Variants in FXYD2 observed in about 807,000 individuals in gnomAD.
FXYD2 encodes the protein sodium/potassium-transporting ATPase subunit gamma.
FXYD2 carries 8 observed loss-of-function variants against 11.8 expected under a neutral mutation model. That is an observed-to-expected ratio of 0.68 (90% CI 0.40 to 1.22). The LOEUF is 1.22. Among genes scored for constraint, FXYD2 ranks in the 50% most tolerant of loss-of-function variants. The pLI is 0.01. For synonymous variants in FXYD2, 42 were observed against 33.3 expected (o/e 1.26, Z -0.90); for missense variants, 92 against 91.8 (o/e 1.00, Z -0.01).
Position 117,820,309 on chromosome 11 carries a change from G to A in FXYD2, c.*70C>T, listed in dbSNP as rs755001643. The A allele has an allele frequency of 8.6e-5, 29 of 336,038 alleles. No individual in the cohort carries two copies. Among genetic ancestry groups the A allele is most frequent in the Middle Eastern group, 7.8e-4 (1 of 1,278 alleles). The allele number at this position is 336,038 out of a possible 1,614,324, so 20.8% of individuals were successfully genotyped here. ...TAAAGCCCAGGGAAGAAGGGGAGGC[G>A]CCAGAGGCAGGGCCATGCTTGGCTT... On this transcript the variant is annotated 3_prime_UTR_variant, in exon 6 of 6. Transcript: ENST00000292079.
chr11:117,821,409 T>A (rs1419633174), intron 3 of FXYD2: 4 of 983,812 alleles, frequency 4.1e-6, no homozygotes, highest in Non-Finnish European at 4.8e-6. Context: ...AGAACCTAAG[T>A]CAGTCAGTCA....
At chr11:117,821,869 ATTT>A (rs1208622078) in intron 3 of FXYD2, 34 of 998,242 alleles carry the variant, frequency 3.4e-5, no homozygotes, top group Non-Finnish European at 4.1e-5. Flanking sequence ...TTTTCTGTGT[ATTT>A]TTCTTTGGGT....
chr11:117,822,526 A>T lies in FXYD2; in HGVS notation c.65-46T>A. 6.4e-7 allele frequency: 1 copy of T among 1,555,926 alleles called. No individual in the cohort carries two copies. Among genetic ancestry groups the T allele is most frequent in the Non-Finnish European group, 8.7e-7 (1 of 1,149,050 alleles). On this transcript the variant is annotated intron_variant, in intron 2 of 5. Coordinates refer to ENST00000292079, the MANE Select transcript of FXYD2 (RefSeq NM_001680.5). The surrounding 1 kb of genome is among the most constrained non-coding windows in gnomAD (Gnocchi z 4.7). ...AGGAGCGGGATGGGTGGTCTCTCCCAGCAGCTGTCTCTCTCCGCAGCCTGC... is the reference window on the plus strand; with the variant it reads ...AGGAGCGGGATGGGTGGTCTCTCCCTGCAGCTGTCTCTCTCCGCAGCCTGC...
rs977507475 is a variant in FXYD2, at chr11:117,821,038, T to G, written c.140-143A>C. 18 of 933,692 alleles carry G rather than the reference T, an allele frequency of 1.9e-5. No homozygotes were observed. The East Asian group carries it at 4.6e-4, about 24-fold the overall frequency. 57.8% of individuals were successfully genotyped at this position (933,692 alleles called of 1,614,324 possible). A position where few individuals can be genotyped will look rare whatever the true frequency, so the allele number is the denominator to read the frequency against. Reference sequence around the variant, plus strand: ...GGCTTGGAGGCCACGTTTGACTGTCTCTATTTTATTTTATATTTTATTTTA... The same window carrying G: ...GGCTTGGAGGCCACGTTTGACTGTCGCTATTTTATTTTATATTTTATTTTA... On this transcript the variant is annotated intron_variant, in intron 3 of 5. Coordinates refer to ENST00000292079, the MANE Select transcript of FXYD2 (RefSeq NM_001680.5).
Position 117,822,111 on chromosome 11 carries a change from G to T in FXYD2, c.139+295C>A. 2.2e-6 allele frequency: 3 copies of T among 1,356,498 alleles called. No individual in the cohort carries two copies. Among genetic ancestry groups the T allele is most frequent in the Non-Finnish European group, 1.9e-6 (2 of 1,048,544 alleles). 84.0% of individuals were successfully genotyped at this position (1,356,498 alleles called of 1,614,324 possible). ...GTTTGGGACCATGGTTAGCAGCGGG[G>T]GGCCTAGTCCCCCTGTCTGGCCCTC... is the stretch of plus-strand genomic sequence containing the variant. On this transcript the variant is annotated intron_variant, in intron 3 of 5. Coordinates refer to ENST00000292079, the MANE Select transcript of FXYD2 (RefSeq NM_001680.5). The surrounding 1 kb of genome is among the most constrained non-coding windows in gnomAD (Gnocchi z 4.7).
In FXYD2 at chr11:117,822,693, T is replaced by G; in HGVS notation, c.50A>C (p.Asp17Ala). ...CCCAGGCTTACCATAGTAGAACGGG[T>G]CCACGTCCCCCTTGGGGCTGCCGCC... is the stretch of plus-strand genomic sequence containing the variant. ...DGGGSPKGDVDPFYYDYETVR... is the reference protein window; with the variant it reads ...DGGGSPKGDVAPFYYDYETVR... The change falls in exon 2 of 6, where the codon GAC becomes GCC. Residue 17 changes from aspartate (D) to alanine (A), a missense_variant. Coordinates refer to ENST00000292079, the MANE Select transcript of FXYD2 (RefSeq NM_001680.5). The surrounding 1 kb of genome is among the most constrained non-coding windows in gnomAD (Gnocchi z 4.7). 1.2e-6 allele frequency: 2 copies of G among 1,610,516 alleles called. No individual in the cohort carries two copies. The highest frequency in any genetic ancestry group is 1.7e-6 in the Non-Finnish European group (2 of 1,179,156).
rs1029005225 is a variant in FXYD2 at position 117,824,037 on chromosome 11, G to A, written c.25+617C>T. 2.5e-5 allele frequency: 4 copies of A among 161,474 alleles called. No individual in the cohort carries two copies. Among genetic ancestry groups the A allele is most frequent in the East Asian group, 1.7e-4 (1 of 5,796 alleles). The allele number at this position is 161,474 out of a possible 1,614,324, so 10.0% of individuals were successfully genotyped here. A position where few individuals can be genotyped will look rare whatever the true frequency, so the allele number is the denominator to read the frequency against. ...TTAAGTGTCAGAGCAACAGCTAGAC[G>A]CCAGCTGAGGCTTCCCCACACGCCC... On this transcript the variant is annotated intron_variant, in intron 1 of 5. Transcript: ENST00000292079. The surrounding 1 kb of genome is among the most constrained non-coding windows in gnomAD (Gnocchi z 4.0).
chr11:117,826,770 GTCTGTCTGTCTATCTATCTATCTATCTA>G (rs1390290320), upstream of FXYD2, among the ~76,000 whole-genome samples: 2 of 134,358 alleles, frequency 1.5e-5, no homozygotes, highest in South Asian at 2.4e-4. Context: ...CTGTCTGTCT[GTCTGTCTGTCTATCTATCTATCTATCTA>G]TCTATCTATC....
At chr11:117,824,841 GGA>G, upstream of FXYD2, 2 of 866,662 alleles carry the variant, frequency 2.3e-6, no homozygotes, top group East Asian at 5.3e-5. This position sits in a 1 kb window ranked among gnomAD's most constrained non-coding sequence, Gnocchi z 4.0. Context: ...GCTGCAGTGT[GGA>G]TGGAGGGGCT....
Position 117,824,601 on chromosome 11 carries a change from A to G in FXYD2, c.25+53T>C. The G allele has an allele frequency of 1.3e-6, 2 of 1,491,650 alleles. No homozygotes were observed. The highest frequency in any genetic ancestry group is 1.9e-6 in the Non-Finnish European group (2 of 1,068,780). 92.4% of individuals were successfully genotyped at this position (1,491,650 alleles called of 1,614,324 possible). A position where few individuals can be genotyped will look rare whatever the true frequency, so the allele number is the denominator to read the frequency against. Reference sequence around the variant, plus strand: ...CAGCTGACCCCACAAAGGCAGGCCAATCAGAGCCACCCAGCATTGCACACG... The same window carrying G: ...CAGCTGACCCCACAAAGGCAGGCCAGTCAGAGCCACCCAGCATTGCACACG... On this transcript the variant is annotated intron_variant, in intron 1 of 5. Coordinates refer to ENST00000292079, the MANE Select transcript of FXYD2 (RefSeq NM_001680.5). The surrounding 1 kb of genome is among the most constrained non-coding windows in gnomAD (Gnocchi z 4.0).
At position 117,822,061 on chromosome 11, in the gene FXYD2, G is replaced by A; in HGVS notation, c.139+345C>T. The A allele has an allele frequency of 8.0e-7, 1 of 1,248,502 alleles. No homozygotes were observed. The allele number at this position is 1,248,502 out of a possible 1,614,324, so 77.3% of individuals were successfully genotyped here. On this transcript the variant is annotated intron_variant, in intron 3 of 5. Transcript: ENST00000292079. This position sits in a 1 kb window ranked among gnomAD's most constrained non-coding sequence, Gnocchi z 4.7. Reference sequence around the variant, plus strand: ...CTAGCCCTAATCTTGTGAGGCAGGTGGGATCATCCCTATTTAACAAATGAG... The same window carrying A: ...CTAGCCCTAATCTTGTGAGGCAGGTAGGATCATCCCTATTTAACAAATGAG...
rs1347378634 is a variant in FXYD2 at position 117,821,799 on chromosome 11, G to A, written c.139+607C>T. 5.1e-6 allele frequency: 5 copies of A among 989,844 alleles called. No individual in the cohort carries two copies. In the African/African-American group the frequency reaches 5.2e-5, roughly 10 times the overall value. 61.3% of individuals were successfully genotyped at this position (989,844 alleles called of 1,614,324 possible). The stretch of plus-strand genomic sequence containing the variant: ...TTGGGGTGGGGTGGCAGTGGCACAC[G>A]TGCATTAGAAGTCCAGAGCCCACAG... On this transcript the variant is annotated intron_variant, in intron 3 of 5. Coordinates refer to ENST00000292079, the MANE Select transcript of FXYD2 (RefSeq NM_001680.5).
chr11:117,820,606 C>T, intron 5 of FXYD2, 60 bp downstream of exon 5: 2 of 1,605,156 alleles, frequency 1.2e-6, no homozygotes, highest in Non-Finnish European at 1.7e-6. Context: ...AGAATTCTTC[C>T]CTGTTGCTCC....
chr11:117,826,778 G>GTCTGTCTGTCTATCTATCTATCTATCTA (rs1344802450), upstream of FXYD2, among the ~76,000 whole-genome samples: 1 of 125,780 alleles, frequency 8.0e-6, no homozygotes. Context: ...CTGTCTGTCT[G>GTCTGTCTGTCTATCTATCTATCTATCTA]TCTATCTATC....
chr11:117,823,581 G>A (rs1032392389), intron 1 of FXYD2, among the ~76,000 whole-genome samples: 3 of 152,188 alleles, frequency 2.0e-5, no homozygotes, highest in African/African-American at 4.8e-5. Flanking sequence ...ATTTGGAGCC[G>A]CTCAGCAGGC....
Position 117,820,989 on chromosome 11 carries a change from C to T in FXYD2, c.140-94G>A. ...TTCTTCCAGTCTCTCCTACCTCCCT[C>T]CTGCCAGTATCATCGCAGGGTCAGG... is the stretch of plus-strand genomic sequence containing the variant. On this transcript the variant is annotated intron_variant, in intron 3 of 5. Transcript: ENST00000292079. 28 of 1,574,900 alleles carry T rather than the reference C, an allele frequency of 1.8e-5. No individual in the cohort carries two copies. The South Asian group carries it at 2.9e-4, about 16-fold the overall frequency.
At chr11:117,820,631 C>A in intron 5 of FXYD2, 35 bp downstream of exon 5, 1 of 1,613,244 alleles carries the variant, frequency 6.2e-7, no homozygotes, top group Non-Finnish European at 8.5e-7. Context: ...CCTGCCCTGC[C>A]CTCCCCGCAC....
chr11:117,823,718 G>A (rs185680362), intron 1 of FXYD2, among the ~76,000 whole-genome samples: 12 of 152,342 alleles, frequency 7.9e-5, no homozygotes, highest in East Asian at 5.8e-4. Context: ...GCCCCTTCTC[G>A]CACGAGGGAA....
At chr11:117,827,285 T>C (rs1036812070), upstream of FXYD2, among the ~76,000 whole-genome samples, 8 of 152,208 alleles carry the variant, frequency 5.3e-5, no homozygotes, top group African/African-American at 1.4e-4. Context: ...GTTTCGCTCT[T>C]GTCACCCAGG....
Sources: gnomAD v4.1 joint callset for allele counts (sites outside exome capture counted in the v4.1 genomes callset) on GRCh38, gnomAD v4.1.1 for gene constraint, Gnocchi (gnomAD v3.1) non-coding constraint, MANE v1.5 for transcripts, NCBI Gene and HGNC (gene_info 2026-07-23, HGNC 2026-07-21) for gene names.